CNTNAP2: variants seen among roughly 807,000 people sequenced by gnomAD.
The protein encoded by CNTNAP2 is contactin associated protein 2.
CNTNAP2 carries 98 observed loss-of-function variants against 155.2 expected under a neutral mutation model. That is an observed-to-expected ratio of 0.63 (90% CI 0.54 to 0.75). The LOEUF is 0.75. Among genes scored for constraint, CNTNAP2 ranks in the 30% least tolerant of loss-of-function variants. The pLI is 0.00. For missense variants in CNTNAP2, 1,727 were observed against 1,688.1 expected (o/e 1.02, Z -0.40); for synonymous variants, 651 against 631.2 (o/e 1.03, Z -0.47).
At chr7:147,530,402 A>G (rs1338042935) in intron 11 of CNTNAP2, among the ~76,000 whole-genome samples, 1 of 152,032 alleles carries the variant, frequency 6.6e-6, no homozygotes, top group Non-Finnish European at 1.5e-5. Context: ...CTGGTCTCGA[A>G]CTTCTGACCT....
chr7:146,504,829 C>T (rs894934916), intron 1 of CNTNAP2, among the ~76,000 whole-genome samples: 2 of 152,138 alleles, frequency 1.3e-5, no homozygotes, highest in Non-Finnish European at 2.9e-5. Context: ...TCCACAGTCC[C>T]ATAAACTCCC....
chr7:147,895,594 A>T (rs1056727997), intron 13 of CNTNAP2, among the ~76,000 whole-genome samples: 1 of 152,198 alleles, frequency 6.6e-6, no homozygotes, highest in African/African-American at 2.4e-5. Flanking sequence ...GAAGTTCTTG[A>T]ACTCTTGGAA....
Position 147,779,699 on chromosome 7 carries a change from C to A in CNTNAP2, c.2099-123866C>A, listed in dbSNP as rs12532724. ...ATTCCTATAGTATTCTTGGAAAATACTAGACTCAGGGATGTTTTCACAGAG... is the reference window on the plus strand; with the variant it reads ...ATTCCTATAGTATTCTTGGAAAATAATAGACTCAGGGATGTTTTCACAGAG... On this transcript the variant is annotated intron_variant, in intron 13 of 23. Transcript: ENST00000361727. Among the ~76,000 whole-genome samples, 233 of 152,238 alleles carry A rather than the reference C, an allele frequency of 1.5e-3. 6 individuals are homozygous for A. In the East Asian group the frequency reaches 0.028, roughly 19 times the overall value.
chr7:146,159,169 C>A (rs970282255), intron 1 of CNTNAP2, among the ~76,000 whole-genome samples: 15 of 152,084 alleles, frequency 9.9e-5, no homozygotes, highest in African/African-American at 3.4e-4. Context: ...GAAATAAAAT[C>A]CTTTACAGAC....
At chr7:146,580,997 T>C (rs1282688648) in intron 1 of CNTNAP2, among the ~76,000 whole-genome samples, 1 of 152,086 alleles carries the variant, frequency 6.6e-6, no homozygotes, top group Non-Finnish European at 1.5e-5. Context: ...ATAGAACCAC[T>C]TGTCAAATAT....
At chr7:147,685,376 A>G (rs530383067) in intron 13 of CNTNAP2, among the ~76,000 whole-genome samples, 1 of 152,136 alleles carries the variant, frequency 6.6e-6, no homozygotes, top group East Asian at 1.9e-4. Context: ...TCCAAGAGAA[A>G]CAAGATGGAC....
intron 1 of CNTNAP2, among the ~76,000 whole-genome samples, chr7:146,461,651 T>C (rs1169126409): frequency 2.6e-5 from 4 of 152,006 alleles, no homozygotes; most frequent in Non-Finnish European, 5.9e-5. Context: ...TAGTGAGGAG[T>C]AGAATCAGAC....
At chr7:146,457,736 C>G (rs1321540079) in intron 1 of CNTNAP2, among the ~76,000 whole-genome samples, 1 of 151,418 alleles carries the variant, frequency 6.6e-6, no homozygotes, top group Admixed American at 6.6e-5. Flanking sequence ...ATCTCCTGAC[C>G]TCATGATCCA....
intron 16 of CNTNAP2, among the ~76,000 whole-genome samples, chr7:148,137,879 C>G (rs1297013635): frequency 6.6e-6 from 1 of 152,176 alleles, no homozygotes; most frequent in African/African-American, 2.4e-5. Context: ...TAATGGAAAA[C>G]AGAATCAATC....
At chr7:148,058,620 G>A (rs1052904563) in intron 15 of CNTNAP2, among the ~76,000 whole-genome samples, 1 of 152,138 alleles carries the variant, frequency 6.6e-6, no homozygotes, top group African/African-American at 2.4e-5. Flanking sequence ...TCCGAGAGTG[G>A]TCATTTCCTT....
chr7:147,200,907 A>T (rs1443538287), intron 8 of CNTNAP2, among the ~76,000 whole-genome samples: 1 of 152,226 alleles, frequency 6.6e-6, no homozygotes, highest in Non-Finnish European at 1.5e-5. Context: ...CATAAAGCTC[A>T]AAAAATGCAT....
rs1378551429 is a variant in CNTNAP2 at position 146,488,431 on chromosome 7, CTG to C, written c.98-285835_98-285834del. Among the ~76,000 whole-genome samples, 5 of 151,610 alleles carry C rather than the reference CTG, an allele frequency of 3.3e-5. 1 individual carries two copies. The highest frequency in any genetic ancestry group is 3.9e-4 in the East Asian group (2 of 5,156). On this transcript the variant is annotated intron_variant, in intron 1 of 23. Transcript: ENST00000361727. ...CATAAATTTCATTTATTGAAAAAAA[CTG>C]TGTGAAATCAGGACTCTGTAGGTAT...
chr7:148,259,692 G>A (rs1312249810), intron 20 of CNTNAP2, among the ~76,000 whole-genome samples: 1 of 152,184 alleles, frequency 6.6e-6, no homozygotes, highest in Non-Finnish European at 1.5e-5. Flanking sequence ...AGCGTAAACG[G>A]CTGATGAAAT....
intron 8 of CNTNAP2, among the ~76,000 whole-genome samples, chr7:147,285,865 G>T (rs1422254351): frequency 6.6e-6 from 1 of 152,030 alleles, no homozygotes; most frequent in Non-Finnish European, 1.5e-5. Context: ...TATTTGGGAT[G>T]ACTTCTTGTC....
chr7:146,175,484 T>G (rs1027139151), intron 1 of CNTNAP2, among the ~76,000 whole-genome samples: 2 of 152,182 alleles, frequency 1.3e-5, no homozygotes, highest in African/African-American at 4.8e-5. Flanking sequence ...CCGTTAATGA[T>G]CCATCTCAGT....
At chr7:147,017,463 C>T (rs1445870067) in intron 3 of CNTNAP2, among the ~76,000 whole-genome samples, 1 of 151,924 alleles carries the variant, frequency 6.6e-6, no homozygotes, top group Non-Finnish European at 1.5e-5. Context: ...AACTGCCTAC[C>T]TTACCTACAG....
chr7:147,822,015 T>C (rs900812360), intron 13 of CNTNAP2, among the ~76,000 whole-genome samples: 7 of 152,056 alleles, frequency 4.6e-5, no homozygotes, highest in African/African-American at 1.7e-4. Flanking sequence ...GAAACAATAG[T>C]GTTTAAAAAA....
intron 1 of CNTNAP2, among the ~76,000 whole-genome samples, chr7:146,683,609 G>C (rs2129170290): frequency 6.6e-6 from 1 of 152,192 alleles, no homozygotes; most frequent in Middle Eastern, 3.4e-3. Flanking sequence ...AACATACAAA[G>C]AGTTTACTCA....
At chr7:147,032,297 C>A (rs907108837) in intron 3 of CNTNAP2, among the ~76,000 whole-genome samples, 5 of 152,198 alleles carry the variant, frequency 3.3e-5, no homozygotes, top group Admixed American at 6.5e-5. Flanking sequence ...CATCAAGTAA[C>A]CCCACTATGC....
Sources: gnomAD v4.1 joint callset for allele counts (sites outside exome capture counted in the v4.1 genomes callset) on GRCh38, gnomAD v4.1.1 for gene constraint, MANE v1.5 for transcripts, NCBI Gene and HGNC (gene_info 2026-07-23, HGNC 2026-07-21) for gene names.